TMEFF2: variants seen among roughly 807,000 people sequenced by gnomAD.
TMEFF2 encodes tomoregulin-2.
Under a neutral mutation model 53.8 loss-of-function variants are expected in TMEFF2, and 28 were observed. The ratio of observed to expected loss-of-function variants is 0.52; its 90% CI spans 0.39 to 0.71. The LOEUF (loss-of-function observed/expected upper bound fraction) is 0.71. TMEFF2 is among the 30% of genes least tolerant of loss of function. The pLI, the probability that TMEFF2 is intolerant of heterozygous loss-of-function variation, is 0.00. For missense variants in TMEFF2, 353 were observed against 455.2 expected, an observed-to-expected ratio of 0.78 and a Z score of 2.04; for synonymous variants, 162 against 166.3, an observed-to-expected ratio of 0.97 and a Z score of 0.20.
chr2:192,101,183 T>C (rs578096412), intron 4 of TMEFF2, among the ~76,000 whole-genome samples: 1 of 152,282 alleles, frequency 6.6e-6, no homozygotes, highest in Non-Finnish European at 1.5e-5. Context: ...AGTGAAACAG[T>C]AGAGTTTAAT....
At chr2:192,134,403 A>T (rs887724329) in intron 4 of TMEFF2, among the ~76,000 whole-genome samples, 8 of 152,138 alleles carry the variant, frequency 5.3e-5, no homozygotes, top group African/African-American at 1.9e-4. Context: ...TATTGATGGC[A>T]GTTCCACCAG....
chr2:192,062,746 T>A (rs1348382374), intron 4 of TMEFF2, among the ~76,000 whole-genome samples: 2 of 152,152 alleles, frequency 1.3e-5, no homozygotes, highest in East Asian at 3.9e-4. Context: ...TTTAATATAT[T>A]GCTGGATTTC....
chr2:192,086,660 G>C (rs971846627), intron 4 of TMEFF2, among the ~76,000 whole-genome samples: 1 of 152,106 alleles, frequency 6.6e-6, no homozygotes, highest in African/African-American at 2.4e-5. Flanking sequence ...CCTTGTGGTA[G>C]GTGCCAAGCT....
At chr2:191,995,432 A>G (rs1350415383) in intron 7 of TMEFF2, among the ~76,000 whole-genome samples, 4 of 151,980 alleles carry the variant, frequency 2.6e-5, no homozygotes, top group Non-Finnish European at 5.9e-5. Context: ...TGTGTGTCTA[A>G]CAAGGGAAGT....
intron 4 of TMEFF2, among the ~76,000 whole-genome samples, chr2:192,107,756 T>C (rs1689183096): frequency 6.6e-6 from 1 of 151,758 alleles, no homozygotes; most frequent in South Asian, 2.1e-4. Context: ...TATGGCAATG[T>C]GAGTATATAC....
chr2:192,128,224 T>C (rs931476594), intron 4 of TMEFF2, among the ~76,000 whole-genome samples: 1 of 152,256 alleles, frequency 6.6e-6, no homozygotes, highest in Non-Finnish European at 1.5e-5. Context: ...TTTTGCTCAA[T>C]GTCTATACAT....
chr2:191,962,935 T>G (rs1248973386), intron 7 of TMEFF2, among the ~76,000 whole-genome samples: 3 of 152,184 alleles, frequency 2.0e-5, no homozygotes, highest in African/African-American at 7.2e-5. Context: ...CAGAGCCTAT[T>G]AACTCTCAGC....
intron 4 of TMEFF2, among the ~76,000 whole-genome samples, chr2:192,173,313 T>C (rs1246120924): frequency 1.3e-5 from 2 of 151,888 alleles, no homozygotes; most frequent in Non-Finnish European, 2.9e-5. Flanking sequence ...AATGCTATAA[T>C]AGTGCTTTCT....
At chr2:192,124,834 GCCT>G (rs1689639003) in intron 4 of TMEFF2, among the ~76,000 whole-genome samples, 3 of 152,132 alleles carry the variant, frequency 2.0e-5, no homozygotes, top group Admixed American at 2.0e-4. Context: ...AGCCAAGGGT[GCCT>G]CATTTCCATA....
chr2:191,993,626 C>T (rs1295235093), intron 7 of TMEFF2, among the ~76,000 whole-genome samples: 1 of 152,032 alleles, frequency 6.6e-6, no homozygotes, highest in Non-Finnish European at 1.5e-5. Flanking sequence ...GGAAAATAAG[C>T]TCAACATGCT....
chr2:192,147,548 T>A (rs952034914), intron 4 of TMEFF2, among the ~76,000 whole-genome samples: 2 of 151,926 alleles, frequency 1.3e-5, no homozygotes, highest in Middle Eastern at 3.2e-3. Context: ...TTCTCATTGT[T>A]CAATTCCCAC....
rs1691823409 is a variant in TMEFF2, at chr2:191,950,061, G to GGAAA, written c.*246_*249dup. ...ATTTATTATATATAACAAATACATGGGAAAGAAAAAACTATATTGTGTGAT... is the reference window on the plus strand; with the variant it reads ...ATTTATTATATATAACAAATACATGGGAAAGAAAGAAAAAACTATATTGTGTGAT... On this transcript the variant is annotated 3_prime_UTR_variant, in exon 10 of 10. Coordinates refer to ENST00000272771, the MANE Select transcript of TMEFF2 (RefSeq NM_016192.4). 1 of 1,203,796 alleles carries GGAAA rather than the reference G, an allele frequency of 8.3e-7. No homozygotes were observed. The allele number at this position is 1,203,796 out of a possible 1,614,324, so 74.6% of individuals were successfully genotyped here. A position where few individuals can be genotyped will look rare whatever the true frequency, so the allele number is the denominator to read the frequency against.
intron 4 of TMEFF2, among the ~76,000 whole-genome samples, chr2:192,094,716 C>A (rs1458903454): frequency 1.3e-5 from 2 of 152,132 alleles, no homozygotes; most frequent in African/African-American, 4.8e-5. Flanking sequence ...TTGGTTGACA[C>A]CCTTTAAATG....
chr2:192,054,163 C>T (rs559031968), intron 5 of TMEFF2, among the ~76,000 whole-genome samples: 1 of 151,038 alleles, frequency 6.6e-6, no homozygotes, highest in East Asian at 1.9e-4. Context: ...TAATCTTGTC[C>T]CTATGCTGGG....
At chr2:192,131,591 T>C (rs1281581570) in intron 4 of TMEFF2, among the ~76,000 whole-genome samples, 11 of 151,968 alleles carry the variant, frequency 7.2e-5, no homozygotes, top group Non-Finnish European at 1.5e-5. Context: ...CAATCCCTTA[T>C]TTCCGTGCCC....
intron 5 of TMEFF2, among the ~76,000 whole-genome samples, chr2:192,023,651 G>A (rs1043332034): frequency 6.6e-6 from 1 of 151,670 alleles, no homozygotes; most frequent in African/African-American, 2.4e-5. Flanking sequence ...TTGCACTTAT[G>A]CTAATTTGAC....
chr2:191,952,057 C>T (rs1303345291), intron 9 of TMEFF2, among the ~76,000 whole-genome samples: 2 of 152,090 alleles, frequency 1.3e-5, no homozygotes, highest in Non-Finnish European at 2.9e-5. Context: ...CCATTGCTGC[C>T]CTTGTTGCTC....
chr2:191,955,678 G>A (rs1177899564), intron 8 of TMEFF2, among the ~76,000 whole-genome samples: 1 of 151,624 alleles, frequency 6.6e-6, no homozygotes, highest in Non-Finnish European at 1.5e-5. Flanking sequence ...ACTAAATCCA[G>A]ATAAACAACT....
At chr2:191,950,495 G>A (rs769387232) in intron 9 of TMEFF2, 88 bp from the exon 10 acceptor site, 51 of 1,515,580 alleles carry the variant, frequency 3.4e-5, no homozygotes, top group Non-Finnish European at 3.7e-6. Context: ...TGTGGATTAA[G>A]CAAATTATTA....
Sources: gnomAD v4.1 joint callset for allele counts (sites outside exome capture counted in the v4.1 genomes callset) on GRCh38, gnomAD v4.1.1 for gene constraint, MANE v1.5 for transcripts, NCBI Gene and HGNC (gene_info 2026-07-23, HGNC 2026-07-21) for gene names.